Variants in ZNF525 observed in about 807,000 individuals in gnomAD.
ZNF525 encodes the protein zinc finger protein 525.
A neutral mutation model predicts 37.6 loss-of-function variants in ZNF525; 33 were observed. The ratio of observed to expected loss-of-function variants is 0.88; its 90% CI spans 0.67 to 1.17. ZNF525 has a LOEUF of 1.17. ZNF525 is among the 50% of genes most tolerant of loss of function. The pLI is 0.00. For missense variants in ZNF525, 449 were observed against 543.1 expected (o/e 0.83, Z 1.72); for synonymous variants, 170 against 182.3 (o/e 0.93, Z 0.54).
intron 1 of ZNF525, among the ~76,000 whole-genome samples, chr19:53,368,951 T>C (rs112461347): frequency 6.6e-6 from 1 of 152,186 alleles, no homozygotes; most frequent in African/African-American, 2.4e-5. Context: ...AATCTTTTTC[T>C]GGGGTCTCAG....
In ZNF525 at chr19:53,381,328, A is replaced by AG. The variant is rs765834246; in HGVS notation, c.751dup (p.Val251GlyfsTer13). On this transcript the variant is annotated frameshift_variant, in exon 4 of 4. Transcript: ENST00000474037. LOFTEE classifies it high-confidence loss of function. Reference sequence around the variant, plus strand: ...CAATATAAATGTGATGTATGTGACAAGGTCTTTATTCGGAAGCGATACCTT... The same window carrying AG: ...CAATATAAATGTGATGTATGTGACAAGGGTCTTTATTCGGAAGCGATACCTT... 8 of 1,534,752 alleles carry AG rather than the reference A, an allele frequency of 5.2e-6. No homozygotes were observed. In the South Asian group the frequency reaches 8.9e-5, roughly 17 times the overall value.
chr19:53,386,281 CA>C lies in ZNF525; in HGVS notation c.*4266del. 1 of 690,014 alleles carries C rather than the reference CA, an allele frequency of 1.4e-6. No homozygotes were observed. Among genetic ancestry groups the C allele is most frequent in the Non-Finnish European group, 2.7e-6 (1 of 372,970 alleles). 42.7% of individuals were successfully genotyped at this position (690,014 alleles called of 1,614,324 possible). On this transcript the variant is annotated 3_prime_UTR_variant, in exon 4 of 4. Transcript: ENST00000474037. ...GATTAAGCGATTCCTGGCCAAGAAA[CA>C]AAAGCAAAACCATCCCACTCCCCTG...
Position 53,380,912 on chromosome 19 carries a change from A to C in ZNF525, c.333A>C (p.Ala111=), listed in dbSNP as rs1330500047. 2.7e-6 allele frequency: 4 copies of C among 1,493,704 alleles called. No individual in the cohort carries two copies. Among genetic ancestry groups the C allele is most frequent in the Non-Finnish European group, 3.7e-6 (4 of 1,070,586 alleles). The allele number at this position is 1,493,704 out of a possible 1,614,324, so 92.5% of individuals were successfully genotyped here. A position where few individuals can be genotyped will look rare whatever the true frequency, so the allele number is the denominator to read the frequency against. ...AAGATGAAAGAAATGGCCATGAAGC[A>C]CCCATGACAAAAATCAAAAAATTGA... The part of the protein sequence containing the change: ...WQEDERNGHE[A]PMTKIKKLMG... Residue 111 remains alanine (A), a synonymous_variant, in exon 4 of 4, where the codon GCA becomes GCC. Transcript: ENST00000474037.
At chr19:53,370,058 C>A (rs977617796) in intron 1 of ZNF525, among the ~76,000 whole-genome samples, 4 of 151,158 alleles carry the variant, frequency 2.6e-5, no homozygotes, top group African/African-American at 4.9e-5. Context: ...GTGAAAGATA[C>A]CTCTCTAATT....
rs1480103707 is a variant in ZNF525 at position 53,382,573 on chromosome 19, T to C, written c.*554T>C. 1.5e-6 allele frequency: 1 copy of C among 667,494 alleles called. No homozygotes were observed. Among genetic ancestry groups the C allele is most frequent in the Non-Finnish European group, 2.8e-6 (1 of 357,436 alleles). 41.3% of individuals were successfully genotyped at this position (667,494 alleles called of 1,614,324 possible). Reference sequence around the variant, plus strand: ...CTGGAGAGAAACCTTAGAAGTGCAATGAGTGTGGCAAAACCTTTCATAGGC... The same window carrying C: ...CTGGAGAGAAACCTTAGAAGTGCAACGAGTGTGGCAAAACCTTTCATAGGC... On this transcript the variant is annotated 3_prime_UTR_variant, in exon 4 of 4. Coordinates refer to ENST00000474037, the MANE Select transcript of ZNF525 (RefSeq NM_001348156.2).
At chr19:53,377,586 G>T (rs912201015) in intron 3 of ZNF525, among the ~76,000 whole-genome samples, 1 of 140,036 alleles carries the variant, frequency 7.1e-6, no homozygotes, top group Non-Finnish European at 1.5e-5. Flanking sequence ...ATGGAGTCTC[G>T]GTCTGTCACT....
In ZNF525 at chr19:53,383,991, A is replaced by T. The variant is rs1481240801; in HGVS notation, c.*1972A>T. ...ACTGGACAGAAATCTTACAAATGTCATCAGTGTGGCAAGGTCTTCAGTCCG... is the reference window on the plus strand; with the variant it reads ...ACTGGACAGAAATCTTACAAATGTCTTCAGTGTGGCAAGGTCTTCAGTCCG... On this transcript the variant is annotated 3_prime_UTR_variant, in exon 4 of 4. Transcript: ENST00000474037. The T allele has an allele frequency of 2.8e-5, 22 of 790,154 alleles. No individual in the cohort carries two copies. Among genetic ancestry groups the T allele is most frequent in the Admixed American group, 1.7e-4 (9 of 52,316 alleles). The allele number at this position is 790,154 out of a possible 1,614,324, so 48.9% of individuals were successfully genotyped here.
chr19:53,367,686 A>T (rs1475452829), intron 1 of ZNF525, among the ~76,000 whole-genome samples: 10 of 152,322 alleles, frequency 6.6e-5, no homozygotes, highest in African/African-American at 1.2e-4. Context: ...ATTTTTTCAT[A>T]CTTGCAGTTA....
Position 53,383,413 on chromosome 19 carries a change from G to C in ZNF525, c.*1394G>C. On this transcript the variant is annotated 3_prime_UTR_variant, in exon 4 of 4. Transcript: ENST00000474037. Reference sequence around the variant, plus strand: ...GAGAAACCTTAGAAATGTGAAGAATGTGACAAAGTTTACAGTCGCAAATCA... The same window carrying C: ...GAGAAACCTTAGAAATGTGAAGAATCTGACAAAGTTTACAGTCGCAAATCA... The C allele has an allele frequency of 9.2e-7, 1 of 1,084,008 alleles. No individual in the cohort carries two copies. The highest frequency in any genetic ancestry group is 1.6e-5 in the African/African-American group (1 of 63,424). 67.1% of individuals were successfully genotyped at this position (1,084,008 alleles called of 1,614,324 possible).
intron 1 of ZNF525, among the ~76,000 whole-genome samples, chr19:53,366,514 G>A (rs1272034189): frequency 1.3e-5 from 2 of 149,528 alleles, no homozygotes; most frequent in African/African-American, 2.5e-5. Flanking sequence ...GGATGGGTGA[G>A]GGATTTGCCA....
intron 1 of ZNF525, among the ~76,000 whole-genome samples, chr19:53,368,699 G>A (rs1461158293): frequency 2.0e-5 from 3 of 152,152 alleles, no homozygotes; most frequent in Non-Finnish European, 4.4e-5. Context: ...TAAAGATTTG[G>A]AATTGTTGCT....
Position 53,382,090 on chromosome 19 carries a change from T to G in ZNF525, c.*71T>G, listed in dbSNP as rs2085570274. The G allele has an allele frequency of 1.3e-6, 2 of 1,507,598 alleles. No individual in the cohort carries two copies. The highest frequency in any genetic ancestry group is 2.3e-5 in the South Asian group (2 of 86,652). 93.4% of individuals were successfully genotyped at this position (1,507,598 alleles called of 1,614,324 possible). ...AAGTGTAATGATTGTGGCAAGATCT[T>G]CAGTCATACGTCATCCATTGTATAC... On this transcript the variant is annotated 3_prime_UTR_variant, in exon 4 of 4. Transcript: ENST00000474037.
chr19:53,375,991 A>C, intron 3 of ZNF525, 95 bp downstream of exon 3: 1 of 1,597,072 alleles, frequency 6.3e-7, no homozygotes. Flanking sequence ...TCTGTCCCCA[A>C]GGGTGGGGTG....
In ZNF525 at chr19:53,384,547, A is replaced by C. The variant is rs2085591938; in HGVS notation, c.*2528A>C. 6.4e-6 allele frequency: 1 copy of C among 157,240 alleles called. No individual in the cohort carries two copies. The highest frequency in any genetic ancestry group is 1.4e-5 in the Non-Finnish European group (1 of 70,744). The allele number at this position is 157,240 out of a possible 1,614,324, so 9.7% of individuals were successfully genotyped here. A position where few individuals can be genotyped will look rare whatever the true frequency, so the allele number is the denominator to read the frequency against. On this transcript the variant is annotated 3_prime_UTR_variant, in exon 4 of 4. Transcript: ENST00000474037. ...TTATTCCTAAGTATTTCTTATTTTA[A>C]GTTCTCCAGCAAATGGAAGTGTGTT...
Position 53,382,401 on chromosome 19 carries a change from AAGTG to A in ZNF525, c.*383_*386del. On this transcript the variant is annotated 3_prime_UTR_variant, in exon 4 of 4. Coordinates refer to ENST00000474037, the MANE Select transcript of ZNF525 (RefSeq NM_001348156.2). Reference sequence around the variant, plus strand: ...AATTCATAATGGAGAGAAACCGTACAAGTGTAATGAGTGTGGCAAGACCTTCAGT... The same window carrying A: ...AATTCATAATGGAGAGAAACCGTACATAATGAGTGTGGCAAGACCTTCAGT... 1.0e-6 allele frequency: 1 copy of A among 998,500 alleles called. No individual in the cohort carries two copies. Among genetic ancestry groups the A allele is most frequent in the Non-Finnish European group, 1.6e-6 (1 of 627,232 alleles). 61.9% of individuals were successfully genotyped at this position (998,500 alleles called of 1,614,324 possible).
At chr19:53,377,380 T>A (rs1040533271) in intron 3 of ZNF525, among the ~76,000 whole-genome samples, 1 of 152,030 alleles carries the variant, frequency 6.6e-6, no homozygotes, top group African/African-American at 2.4e-5. Context: ...TTCTCCTTTT[T>A]GGTCAGGCTT....
In ZNF525 at chr19:53,374,763, A is replaced by G. The variant is rs573127384; in HGVS notation, c.16-1007A>G. ...ACATTTTGAAAATCTGGGGAAAATG[A>G]CAACCCTTTGTATTAACATCTAGTT... On this transcript the variant is annotated intron_variant, in intron 2 of 3. Coordinates refer to ENST00000474037, the MANE Select transcript of ZNF525 (RefSeq NM_001348156.2). 1.8e-4 allele frequency among the ~76,000 whole-genome samples: 27 copies of G among 152,362 alleles called. No homozygotes were observed. The South Asian group carries it at 5.6e-3, about 32-fold the overall frequency.
chr19:53,381,149 T>C lies in ZNF525; in HGVS notation c.570T>C (p.Asn190=), dbSNP rs1450816357. ...GTAGGCCCAAAACCCATATATCTAA[T>C]AACTATGGGGATAATTTTCTGAATT... The part of the protein sequence containing the change: ...ISCRPKTHIS[N]NYGDNFLNYS... The change falls in exon 4 of 4, where the codon AAT becomes AAC. Residue 190 remains asparagine (N), a synonymous_variant. Coordinates refer to ENST00000474037, the MANE Select transcript of ZNF525 (RefSeq NM_001348156.2). 1.4e-6 allele frequency: 2 copies of C among 1,381,826 alleles called. No individual in the cohort carries two copies. Among genetic ancestry groups the C allele is most frequent in the Admixed American group, 3.3e-5 (2 of 59,724 alleles). The allele number at this position is 1,381,826 out of a possible 1,614,324, so 85.6% of individuals were successfully genotyped here.
chr19:53,368,543 G>T (rs796367826), intron 1 of ZNF525, among the ~76,000 whole-genome samples: 6 of 152,192 alleles, frequency 3.9e-5, no homozygotes, highest in East Asian at 1.9e-4. Context: ...CTTAAGGCCA[G>T]TGGTCTCCTA....
Sources: allele counts gnomAD v4.1 joint callset (sites outside exome capture counted in the v4.1 genomes callset), GRCh38; gene constraint gnomAD v4.1.1; transcripts MANE v1.5; gene names NCBI Gene and HGNC (gene_info 2026-07-23, HGNC 2026-07-21).